PACSIN2: variants seen among roughly 807,000 people sequenced by gnomAD.
PACSIN2 encodes protein kinase C and casein kinase substrate in neurons protein 2.
PACSIN2 carries 25 observed loss-of-function variants against 63.8 expected under a neutral mutation model. The ratio of observed to expected loss-of-function variants is 0.39; its 90% CI spans 0.29 to 0.55. PACSIN2 has a LOEUF of 0.55. PACSIN2 is among the 20% of genes least tolerant of loss of function. The pLI is 0.62. For synonymous variants in PACSIN2, 255 were observed against 256.2 expected, an observed-to-expected ratio of 1.00 and a Z score of 0.05; for missense variants, 518 against 646.9, an observed-to-expected ratio of 0.80 and a Z score of 2.16.
At chr22:42,882,076 G>A (rs1488232678) in intron 7 of PACSIN2, 108 bp downstream of exon 7, 1 of 1,327,118 alleles carries the variant, frequency 7.5e-7, no homozygotes, top group Non-Finnish European at 1.1e-6. Context: ...CTGATAAACA[G>A]GGCAAACACT....
chr22:42,961,515 T>C (rs562286785), intron 1 of PACSIN2, among the ~76,000 whole-genome samples: 136 of 151,698 alleles, frequency 9.0e-4, no homozygotes, highest in African/African-American at 3.2e-3. Flanking sequence ...CTCACACTTG[T>C]AGTCCCAGCA....
At chr22:42,912,519 G>A (rs994270422) in intron 1 of PACSIN2, among the ~76,000 whole-genome samples, 3 of 152,278 alleles carry the variant, frequency 2.0e-5, no homozygotes, top group Non-Finnish European at 1.5e-5. Flanking sequence ...TCTCCAGAGT[G>A]GCTACCACAT....
chr22:42,930,702 G>A (rs1932765049), intron 1 of PACSIN2, among the ~76,000 whole-genome samples: 1 of 152,198 alleles, frequency 6.6e-6, no homozygotes, highest in Non-Finnish European at 1.5e-5. Flanking sequence ...TTGGGTCAGT[G>A]GGAAAGTTTA....
chr22:42,933,987 A>G (rs1215845859), intron 1 of PACSIN2, among the ~76,000 whole-genome samples: 1 of 152,212 alleles, frequency 6.6e-6, no homozygotes, highest in East Asian at 1.9e-4. Context: ...ACCAGTGAAA[A>G]GCTACAATGA....
chr22:42,975,595 C>T (rs1306417519), intron 1 of PACSIN2, among the ~76,000 whole-genome samples: 1 of 141,626 alleles, frequency 7.1e-6, no homozygotes, highest in African/African-American at 2.7e-5. Context: ...TTTACAGATA[C>T]ATGTGTATAA....
At chr22:42,925,269 C>T (rs1042656530) in intron 1 of PACSIN2, among the ~76,000 whole-genome samples, 2 of 151,992 alleles carry the variant, frequency 1.3e-5, no homozygotes, top group African/African-American at 4.8e-5. Flanking sequence ...CACTTGAGGT[C>T]AGGAGTTTAA....
intron 1 of PACSIN2, among the ~76,000 whole-genome samples, chr22:42,994,677 G>C (rs931092071): frequency 6.6e-6 from 1 of 152,228 alleles, no homozygotes; most frequent in African/African-American, 2.4e-5. Context: ...AAGTTTTAGG[G>C]AGATACCACT....
intron 1 of PACSIN2, among the ~76,000 whole-genome samples, chr22:42,943,779 T>C (rs1365677318): frequency 6.6e-6 from 1 of 152,214 alleles, no homozygotes; most frequent in East Asian, 1.9e-4. Flanking sequence ...GCTTATTCTC[T>C]GGCTTTGAGA....
intron 1 of PACSIN2, among the ~76,000 whole-genome samples, chr22:42,944,415 G>A (rs950272165): frequency 3.3e-5 from 5 of 152,104 alleles, no homozygotes; most frequent in African/African-American, 1.2e-4. Context: ...AAATTAATAT[G>A]ACAATGCCAG....
At chr22:43,009,933 A>C (rs553178389) in intron 1 of PACSIN2, among the ~76,000 whole-genome samples, 2 of 146,704 alleles carry the variant, frequency 1.4e-5, no homozygotes, top group South Asian at 2.1e-4. Context: ...GCAGTGGCAC[A>C]ATCTCGGCTC....
chr22:42,991,259 C>T (rs1441658915), intron 1 of PACSIN2, among the ~76,000 whole-genome samples: 2 of 152,276 alleles, frequency 1.3e-5, no homozygotes, highest in African/African-American at 2.4e-5. Context: ...CACCCCCATC[C>T]ACCCCAGTCA....
rs571016081 is a variant in PACSIN2 at position 42,874,850 on chromosome 22, C to T, written c.1348+1287G>A. ...TTTCTGAGTCTTGGCATTGGGCATC[C>T]GCTTTTTTTTTTTTTTTTGAAAAAG... is the stretch of plus-strand genomic sequence containing the variant. On this transcript the variant is annotated intron_variant, in intron 10 of 10. Coordinates refer to ENST00000263246, the MANE Select transcript of PACSIN2 (RefSeq NM_001184970.3). 5.2e-5 allele frequency among the ~76,000 whole-genome samples: 6 copies of T among 115,502 alleles called. No individual in the cohort carries two copies. The East Asian group carries it at 8.1e-4, about 16-fold the overall frequency. The allele number at this position is 115,502 out of a possible 152,430, so 75.8% of individuals were successfully genotyped here.
intron 1 of PACSIN2, among the ~76,000 whole-genome samples, chr22:42,915,624 CA>C (rs1249692186): frequency 6.6e-6 from 1 of 152,206 alleles, no homozygotes; most frequent in Non-Finnish European, 1.5e-5. Context: ...CTCCCTGCCA[CA>C]AATCTGTCAC....
chr22:42,882,262 T>G lies in PACSIN2; in HGVS notation c.828A>C (p.Ala276=). 6.2e-7 allele frequency: 1 copy of G among 1,612,770 alleles called. No homozygotes were observed. Among genetic ancestry groups the G allele is most frequent in the Non-Finnish European group, 8.5e-7 (1 of 1,178,854 alleles). The change falls in exon 7 of 11, where the codon GCA becomes GCC. Residue 276 remains alanine, a synonymous_variant. Coordinates refer to ENST00000263246, the MANE Select transcript of PACSIN2 (RefSeq NM_001184970.3). Reference sequence around the variant, plus strand: ...ACCTCAGGTCCTCCACTGCATCAGCTGCTCTGATGCTCTGCTCCAGGTCAT... The same window carrying G: ...ACCTCAGGTCCTCCACTGCATCAGCGGCTCTGATGCTCTGCTCCAGGTCAT... ...IYHDLEQSIR[A]ADAVEDLRWF...
At chr22:42,925,221 T>G (rs1432359813) in intron 1 of PACSIN2, among the ~76,000 whole-genome samples, 1 of 151,942 alleles carries the variant, frequency 6.6e-6, no homozygotes, top group African/African-American at 2.4e-5. Flanking sequence ...GGCTCACGTC[T>G]GTAATCCCAG....
intron 1 of PACSIN2, among the ~76,000 whole-genome samples, chr22:42,962,486 G>A (rs5759059): frequency 0.61 from 92,129 of 151,386 alleles, 28,632 homozygotes; most frequent in East Asian, 0.78. Flanking sequence ...TCCCTCAACG[G>A]TCAGAACTGG....
At chr22:42,910,163 C>T (rs1034315136) in intron 2 of PACSIN2, among the ~76,000 whole-genome samples, 3 of 152,214 alleles carry the variant, frequency 2.0e-5, no homozygotes, top group Non-Finnish European at 4.4e-5. Flanking sequence ...CTTCACCTGT[C>T]CCCATTGCCT....
At chr22:42,982,699 C>T (rs1349650491) in intron 1 of PACSIN2, among the ~76,000 whole-genome samples, 6 of 135,152 alleles carry the variant, frequency 4.4e-5, no homozygotes, top group Non-Finnish European at 4.7e-5. Context: ...GTCATCACCA[C>T]TCCCTAATCT....
At chr22:42,877,418 G>T (rs1189476908) in intron 8 of PACSIN2, among the ~76,000 whole-genome samples, 2 of 152,092 alleles carry the variant, frequency 1.3e-5, no homozygotes, top group Admixed American at 6.5e-5. Context: ...TGACAGTGTG[G>T]GAGGGGCCGG....
Sources: gnomAD v4.1 joint callset for allele counts (sites outside exome capture counted in the v4.1 genomes callset) on GRCh38, gnomAD v4.1.1 for gene constraint, MANE v1.5 for transcripts, NCBI Gene and HGNC (gene_info 2026-07-23, HGNC 2026-07-21) for gene names.